NKAIN2: variants seen among roughly 807,000 people sequenced by gnomAD.
NKAIN2 encodes sodium/potassium transporting ATPase interacting 2, also known as sodium/potassium-transporting ATPase subunit beta-1-interacting protein 2.
In NKAIN2, 14 loss-of-function variants were observed where a neutral mutation model predicts 32.6. The observed-to-expected ratio is 0.43, with a 90% confidence interval of 0.28 to 0.67. The LOEUF (loss-of-function observed/expected upper bound fraction) is 0.67. NKAIN2 is among the 30% of genes least tolerant of loss of function. NKAIN2 has a pLI of 0.17. For synonymous variants in NKAIN2, 80 were observed against 87.2 expected (o/e 0.92, Z 0.46); for missense variants, 198 against 258.3 (o/e 0.77, Z 1.60).
At chr6:123,813,930 C>T (rs1385217328) in intron 1 of NKAIN2, among the ~76,000 whole-genome samples, 2 of 151,654 alleles carry the variant, frequency 1.3e-5, no homozygotes, top group African/African-American at 4.9e-5. Context: ...AACCTATAGC[C>T]TGAGATTTTC....
chr6:124,268,466 G>A (rs917015606), intron 1 of NKAIN2, among the ~76,000 whole-genome samples: 5 of 152,060 alleles, frequency 3.3e-5, no homozygotes, highest in East Asian at 1.9e-4. Flanking sequence ...AAGGAAAGTC[G>A]TTAGGAGATA....
At chr6:124,076,375 T>C (rs1203541618) in intron 1 of NKAIN2, among the ~76,000 whole-genome samples, 1 of 152,168 alleles carries the variant, frequency 6.6e-6, no homozygotes, top group African/African-American at 2.4e-5. Flanking sequence ...GTTGAGGTGA[T>C]TGACGTTCCC....
intron 3 of NKAIN2, among the ~76,000 whole-genome samples, chr6:124,388,613 T>A (rs1005868453): frequency 4.6e-5 from 7 of 151,130 alleles, no homozygotes; most frequent in African/African-American, 1.5e-4. Context: ...ATTTGAGGGT[T>A]CTATATTTTC....
At chr6:124,104,815 C>G (rs1269812120) in intron 1 of NKAIN2, among the ~76,000 whole-genome samples, 1 of 151,982 alleles carries the variant, frequency 6.6e-6, no homozygotes, top group Non-Finnish European at 1.5e-5. Flanking sequence ...CGGGAGGTCA[C>G]TGGCATTTTT....
chr6:123,934,948 A>G lies in NKAIN2; in HGVS notation c.54+130694A>G, dbSNP rs147468969. ...GTTTTCCTAAAAGACAGAATTTTCA[A>G]ACAAAATTAAGAAACTGTCTTCAAT... On this transcript the variant is annotated intron_variant, in intron 1 of 6. Coordinates refer to ENST00000368417, the MANE Select transcript of NKAIN2 (RefSeq NM_001040214.3). Among the ~76,000 whole-genome samples, 685 of 151,228 alleles carry G rather than the reference A, an allele frequency of 4.5e-3. 5 individuals carry two copies. The highest frequency in any genetic ancestry group is 0.016 in the African/African-American group (652 of 41,376).
At chr6:124,231,215 A>ATC (rs376172483) in intron 1 of NKAIN2, among the ~76,000 whole-genome samples, 12 of 152,190 alleles carry the variant, frequency 7.9e-5, no homozygotes, top group African/African-American at 2.9e-4. Context: ...GTTTTGACCA[A>ATC]TCTCCCATTT....
At chr6:124,035,063 T>A (rs1781555306) in intron 1 of NKAIN2, among the ~76,000 whole-genome samples, 1 of 152,200 alleles carries the variant, frequency 6.6e-6, no homozygotes, top group Non-Finnish European at 1.5e-5. Flanking sequence ...AGAAAAAATG[T>A]CTAATATGCT....
chr6:123,873,924 C>T (rs1283201275), intron 1 of NKAIN2, among the ~76,000 whole-genome samples: 1 of 150,152 alleles, frequency 6.7e-6, no homozygotes, highest in African/African-American at 2.5e-5. Flanking sequence ...TTGCCCTTTT[C>T]CTGTTTGTTT....
chr6:124,145,688 G>T (rs1439639141), intron 1 of NKAIN2, among the ~76,000 whole-genome samples: 1 of 152,036 alleles, frequency 6.6e-6, no homozygotes, highest in Non-Finnish European at 1.5e-5. Flanking sequence ...TGTATTTTTA[G>T]TAGAGAAGGG....
chr6:124,328,191 T>G (rs1797497280), intron 2 of NKAIN2, among the ~76,000 whole-genome samples: 1 of 152,212 alleles, frequency 6.6e-6, no homozygotes, highest in Non-Finnish European at 1.5e-5. Context: ...GTACCAGCTT[T>G]ATAGAGATCA....
chr6:124,093,424 C>T (rs943138002), intron 1 of NKAIN2, among the ~76,000 whole-genome samples: 1 of 152,000 alleles, frequency 6.6e-6, no homozygotes, highest in Non-Finnish European at 1.5e-5. Flanking sequence ...ACTCTCTAAC[C>T]CATAGGATTG....
At chr6:124,336,859 G>T (rs189470907) in intron 2 of NKAIN2, among the ~76,000 whole-genome samples, 67 of 151,966 alleles carry the variant, frequency 4.4e-4, no homozygotes, top group African/African-American at 1.5e-3. Flanking sequence ...TTTTAATAGA[G>T]ACAGGGTTTC....
rs900247440 is a variant in NKAIN2 at position 124,139,079 on chromosome 6, A to ATT, written c.55-143907_55-143906dup. On this transcript the variant is annotated intron_variant, in intron 1 of 6. Coordinates refer to ENST00000368417, the MANE Select transcript of NKAIN2 (RefSeq NM_001040214.3). ...TCCCCAAAAACTTTTTTAAATAAAA[A>ATT]TTTTTTTTTTTTTTTTTTTTGAGAC... Among the ~76,000 whole-genome samples the ATT allele has an allele frequency of 4.2e-3, 421 of 99,384 alleles. 16 individuals are homozygous for ATT. The highest frequency in any genetic ancestry group is 6.4e-3 in the South Asian group (18 of 2,822). The allele number at this position is 99,384 out of a possible 152,430, so 65.2% of individuals were successfully genotyped here.
chr6:124,222,451 G>C (rs375740626), intron 1 of NKAIN2, among the ~76,000 whole-genome samples: 1 of 152,074 alleles, frequency 6.6e-6, no homozygotes, highest in Non-Finnish European at 1.5e-5. Context: ...TGGGAGCATT[G>C]GTAGGTTGGA....
intron 1 of NKAIN2, among the ~76,000 whole-genome samples, chr6:123,930,281 A>G (rs1776194541): frequency 6.6e-6 from 1 of 152,162 alleles, no homozygotes; most frequent in African/African-American, 2.4e-5. Context: ...TTGTTTGTAC[A>G]TTTTATGGTG....
At chr6:124,297,912 A>G (rs1282989444) in intron 2 of NKAIN2, among the ~76,000 whole-genome samples, 1 of 152,154 alleles carries the variant, frequency 6.6e-6, no homozygotes, top group Non-Finnish European at 1.5e-5. Flanking sequence ...AAATGTGTTA[A>G]TGCATCTGCT....
intron 1 of NKAIN2, among the ~76,000 whole-genome samples, chr6:124,152,016 A>G (rs1787750843): frequency 6.6e-6 from 1 of 151,854 alleles, no homozygotes; most frequent in African/African-American, 2.4e-5. Context: ...TATTCTGTTT[A>G]TAAAATCCTT....
chr6:124,599,996 C>T (rs1383377240), intron 3 of NKAIN2, among the ~76,000 whole-genome samples: 1 of 152,012 alleles, frequency 6.6e-6, no homozygotes, highest in Non-Finnish European at 1.5e-5. Flanking sequence ...GTTAAGGTTT[C>T]CAGAGCTCCC....
At chr6:124,014,925 T>G (rs1780492731) in intron 1 of NKAIN2, among the ~76,000 whole-genome samples, 1 of 152,118 alleles carries the variant, frequency 6.6e-6, no homozygotes, top group South Asian at 2.1e-4. Context: ...TTTTTTCCAT[T>G]TTTGAGATTA....
Sources: gnomAD v4.1 joint callset for allele counts (sites outside exome capture counted in the v4.1 genomes callset) on GRCh38, gnomAD v4.1.1 for gene constraint, MANE v1.5 for transcripts, NCBI Gene and HGNC (gene_info 2026-07-23, HGNC 2026-07-21) for gene names.